CDKAL1: variants seen among roughly 807,000 people sequenced by gnomAD.
The protein encoded by CDKAL1 is CDKAL1 threonylcarbamoyladenosine tRNA methylthiotransferase, also known as threonylcarbamoyladenosine tRNA methylthiotransferase.
In CDKAL1, 32 loss-of-function variants were observed where a neutral mutation model predicts 68.2. That is an observed-to-expected ratio of 0.47 (90% confidence interval 0.35 to 0.63). The LOEUF (loss-of-function observed/expected upper bound fraction) is 0.63, where lower values mean the gene tolerates loss of function less well. CDKAL1 is among the 30% of genes least tolerant of loss of function. CDKAL1 has a pLI of 0.00. For synonymous variants in CDKAL1, 234 were observed against 244.3 expected (o/e 0.96, Z 0.39); for missense variants, 606 against 696.7 (o/e 0.87, Z 1.47).
chr6:21,031,824 C>T (rs147543195), intron 11 of CDKAL1, among the ~76,000 whole-genome samples: 1 of 152,236 alleles, frequency 6.6e-6, no homozygotes, highest in East Asian at 1.9e-4. Flanking sequence ...GAAAATGCTT[C>T]AATACCCCAA....
intron 4 of CDKAL1, among the ~76,000 whole-genome samples, chr6:20,636,054 C>A (rs896170735): frequency 6.6e-6 from 1 of 152,100 alleles, no homozygotes; most frequent in Admixed American, 6.5e-5. Context: ...TTCCTTTCCT[C>A]TGGGTATAGG....
intron 13 of CDKAL1, among the ~76,000 whole-genome samples, chr6:21,196,161 TCA>T (rs987992433): frequency 2.0e-5 from 3 of 152,222 alleles, no homozygotes; most frequent in African/African-American, 7.2e-5. Context: ...AGCATAGTTT[TCA>T]GTGGCTCTAC....
chr6:20,826,340 T>C (rs1014366604), intron 8 of CDKAL1, among the ~76,000 whole-genome samples: 1 of 152,210 alleles, frequency 6.6e-6, no homozygotes, highest in East Asian at 1.9e-4. Context: ...TTTTATCCTC[T>C]GATTTTTAAA....
intron 13 of CDKAL1, among the ~76,000 whole-genome samples, chr6:21,183,032 A>AT (rs1370688249): frequency 6.6e-6 from 1 of 152,122 alleles, no homozygotes; most frequent in African/African-American, 2.4e-5. Flanking sequence ...TGCAAAGGGA[A>AT]TTTTTCTTAT....
chr6:21,230,441 C>T lies in CDKAL1; in HGVS notation c.1549-407C>T, dbSNP rs943096867. On this transcript the variant is annotated intron_variant, in intron 15 of 15. Transcript: ENST00000274695. ...CCTCCCAAAGTGCTGGGATTACAGG[C>T]GTGAGCCACCACACCTGGCCCATGG... Among the ~76,000 whole-genome samples, 13 of 152,338 alleles carry T rather than the reference C, an allele frequency of 8.5e-5. No homozygotes were observed. The South Asian group carries it at 1.5e-3, about 17-fold the overall frequency.
intron 9 of CDKAL1, among the ~76,000 whole-genome samples, chr6:20,854,020 C>T (rs1343871563): frequency 6.6e-6 from 1 of 152,188 alleles, no homozygotes; most frequent in Non-Finnish European, 1.5e-5. Flanking sequence ...TCAACCAAGG[C>T]ATCACAAAAG....
intron 7 of CDKAL1, among the ~76,000 whole-genome samples, chr6:20,765,613 A>ATT (rs1223743214): frequency 1.3e-5 from 2 of 152,302 alleles, no homozygotes; most frequent in East Asian, 3.9e-4. Flanking sequence ...CTTGTTATTC[A>ATT]TTCTCTCTCT....
intron 10 of CDKAL1, among the ~76,000 whole-genome samples, chr6:20,959,935 A>G (rs1024912536): frequency 1.3e-5 from 2 of 152,214 alleles, no homozygotes; most frequent in Non-Finnish European, 2.9e-5. Flanking sequence ...CAAGGTTCAC[A>G]TGAGACCAGT....
intron 15 of CDKAL1, among the ~76,000 whole-genome samples, chr6:21,213,608 C>T (rs1779240439): frequency 6.6e-6 from 1 of 152,184 alleles, no homozygotes; most frequent in South Asian, 2.1e-4. Flanking sequence ...TTCCTCTGAA[C>T]AATCACAAAG....
chr6:20,992,838 G>C (rs528840585), intron 10 of CDKAL1, among the ~76,000 whole-genome samples: 1 of 151,424 alleles, frequency 6.6e-6, no homozygotes, highest in Non-Finnish European at 1.5e-5. Context: ...GGAGGTCAAG[G>C]CTGCAGTAAG....
chr6:20,981,062 G>T (rs994684052), intron 10 of CDKAL1, among the ~76,000 whole-genome samples: 2 of 152,200 alleles, frequency 1.3e-5, no homozygotes, highest in African/African-American at 4.8e-5. Context: ...GGGTGTAGTG[G>T]ATGAGGGCAA....
At chr6:20,996,498 C>T (rs1029464173) in intron 10 of CDKAL1, among the ~76,000 whole-genome samples, 2 of 152,076 alleles carry the variant, frequency 1.3e-5, no homozygotes, top group Admixed American at 1.3e-4. Flanking sequence ...ATTGTTGTAT[C>T]TCAGAGGATA....
intron 7 of CDKAL1, among the ~76,000 whole-genome samples, chr6:20,762,957 C>T (rs941291598): frequency 1.3e-5 from 2 of 152,132 alleles, no homozygotes; most frequent in Admixed American, 6.6e-5. Flanking sequence ...ATACCCTTTG[C>T]TCCAGCCAAC....
intron 15 of CDKAL1, among the ~76,000 whole-genome samples, chr6:21,226,798 C>T (rs1370468230): frequency 6.6e-6 from 1 of 152,142 alleles, no homozygotes; most frequent in Non-Finnish European, 1.5e-5. Flanking sequence ...CTGCAAGCTT[C>T]GCCTCCTGGG....
chr6:21,224,580 A>G (rs1779662606), intron 15 of CDKAL1, among the ~76,000 whole-genome samples: 1 of 152,142 alleles, frequency 6.6e-6, no homozygotes, highest in South Asian at 2.1e-4. Context: ...GAAAATGGAA[A>G]AAAAAGGGTC....
intron 10 of CDKAL1, among the ~76,000 whole-genome samples, chr6:20,992,020 T>G (rs2150799292): frequency 7.3e-6 from 1 of 137,364 alleles, no homozygotes; most frequent in African/African-American, 2.6e-5. Context: ...CCCCACCTTT[T>G]TTTTTCTTTT....
At chr6:21,006,138 T>C (rs1767714973) in intron 11 of CDKAL1, among the ~76,000 whole-genome samples, 1 of 152,172 alleles carries the variant, frequency 6.6e-6, no homozygotes. Flanking sequence ...AATTTTTCTT[T>C]CCTATCATTA....
chr6:20,568,901 G>A (rs530858637), intron 4 of CDKAL1, among the ~76,000 whole-genome samples: 2 of 152,108 alleles, frequency 1.3e-5, no homozygotes, highest in Admixed American at 6.5e-5. Context: ...TCTTCTTGTA[G>A]CACTTGTTAG....
intron 9 of CDKAL1, among the ~76,000 whole-genome samples, chr6:20,856,351 A>G (rs1759337798): frequency 6.6e-6 from 1 of 152,200 alleles, no homozygotes; most frequent in Non-Finnish European, 1.5e-5. Flanking sequence ...CCCATAATGA[A>G]AAAGTAGTAT....
Sources: allele counts gnomAD v4.1 joint callset (sites outside exome capture counted in the v4.1 genomes callset), GRCh38; gene constraint gnomAD v4.1.1; transcripts MANE v1.5; gene names NCBI Gene and HGNC (gene_info 2026-07-23, HGNC 2026-07-21).